The following DPH6 variants were observed in gnomAD, a reference collection of about 807,000 sequenced individuals.
The protein encoded by DPH6 is diphthamine biosynthesis 6, also known as diphthine--ammonia ligase.
DPH6 carries 33 observed loss-of-function variants against 38.2 expected under a neutral mutation model. The ratio of observed to expected loss-of-function variants is 0.86; its 90% CI spans 0.65 to 1.15. The LOEUF is 1.15. Ranked by LOEUF, DPH6 falls within the 50% of genes most tolerant of loss-of-function variation. DPH6 has a pLI of 0.00. For missense variants in DPH6, 325 were observed against 320.0 expected (o/e 1.02, Z -0.12); for synonymous variants, 108 against 103.0 (o/e 1.05, Z -0.30).
At chr15:35,505,272 G>A (rs765975035) in intron 3 of DPH6, among the ~76,000 whole-genome samples, 2 of 151,992 alleles carry the variant, frequency 1.3e-5, no homozygotes, top group Non-Finnish European at 2.9e-5. Context: ...AATGCAACCA[G>A]AAAGCAGTGT....
intron 3 of DPH6, chr15:35,520,850 C>G: frequency 1.0e-6 from 1 of 984,990 alleles, no homozygotes; most frequent in South Asian, 4.7e-5. Context: ...CATAATAAAA[C>G]TAAGGCCTCT....
intron 3 of DPH6, chr15:35,489,914 A>T (rs2054454540): frequency 1.0e-6 from 1 of 966,844 alleles, no homozygotes; most frequent in African/African-American, 1.8e-5. Flanking sequence ...ATCTATAATG[A>T]TTACTTTTTA....
At chr15:35,301,195 A>C (rs541313481) in intron 3 of DPH6, among the ~76,000 whole-genome samples, 2 of 152,308 alleles carry the variant, frequency 1.3e-5, no homozygotes, top group Non-Finnish European at 2.9e-5. Flanking sequence ...TATTTACTTG[A>C]TCACATATTT....
intron 3 of DPH6, among the ~76,000 whole-genome samples, chr15:35,245,599 T>C (rs930551719): frequency 6.6e-6 from 1 of 152,190 alleles, no homozygotes; most frequent in African/African-American, 2.4e-5. Flanking sequence ...CTTCAGGGTT[T>C]ACAAAAGAGG....
At chr15:35,369,885 A>T (rs1331882022), downstream of DPH6, among the ~76,000 whole-genome samples, 1 of 151,804 alleles carries the variant, frequency 6.6e-6, no homozygotes, top group Non-Finnish European at 1.5e-5. Context: ...TAAGGTTTTT[A>T]TCAAGAGACA....
chr15:35,476,865 C>T (rs1325890075), intron 3 of DPH6, among the ~76,000 whole-genome samples: 1 of 151,758 alleles, frequency 6.6e-6, no homozygotes, highest in East Asian at 1.9e-4. Context: ...GAAAAATAAT[C>T]TATGAAAAAT....
rs117284886 is a variant in DPH6, at chr15:35,472,215, T to C, written c.313-17395A>G. Among the ~76,000 whole-genome samples, 217 of 152,220 alleles carry C rather than the reference T, an allele frequency of 1.4e-3. 5 individuals carry two copies. In the East Asian group the frequency reaches 0.033, roughly 23 times the overall value. On this transcript the variant is annotated intron_variant, in intron 3 of 8. Coordinates refer to ENST00000256538, the MANE Select transcript of DPH6 (RefSeq NM_080650.4). ...AAATATTTTCTTAAAGGACAGGGAA[T>C]TGATTACACAGGTGACAGAACTGAG... is the stretch of plus-strand genomic sequence containing the variant.
intron 3 of DPH6, among the ~76,000 whole-genome samples, chr15:35,360,084 C>G (rs929822547): frequency 6.6e-6 from 1 of 152,044 alleles, no homozygotes; most frequent in African/African-American, 2.4e-5. Context: ...TTTTTTGCAC[C>G]ATTTAGCCTT....
chr15:35,527,988 G>A (rs2055030103), intron 3 of DPH6, among the ~76,000 whole-genome samples: 1 of 152,064 alleles, frequency 6.6e-6, no homozygotes, highest in Non-Finnish European at 1.5e-5. Context: ...TTAATTTATA[G>A]GTCTAAAGCC....
chr15:35,193,231 C>A, the DPH6 span, among the ~76,000 whole-genome samples: 1 of 151,438 alleles, frequency 6.6e-6, no homozygotes, highest in Admixed American at 6.6e-5. Context: ...TTCAGATTTC[C>A]CCCTTTTAAG....
In DPH6 at chr15:35,371,555, A is replaced by T; in HGVS notation, c.*595T>A. 1 of 973,398 alleles carries T rather than the reference A, an allele frequency of 1.0e-6. No homozygotes were observed. Among genetic ancestry groups the T allele is most frequent in the Non-Finnish European group, 1.2e-6 (1 of 819,050 alleles). The allele number at this position is 973,398 out of a possible 1,614,324, so 60.3% of individuals were successfully genotyped here. ...GTCTATTTTTTGTAAAAGTTTTCTA[A>T]GGTCAACATAGTTAATACTGAAAAA... On this transcript the variant is annotated 3_prime_UTR_variant, in exon 9 of 9. Coordinates refer to ENST00000256538, the MANE Select transcript of DPH6 (RefSeq NM_080650.4).
At chr15:35,538,609 T>A in intron 2 of DPH6, 142 bp from the exon 3 acceptor site, 1 of 684,830 alleles carries the variant, frequency 1.5e-6, no homozygotes, top group Non-Finnish European at 2.2e-6. Context: ...ATTTATGTAG[T>A]AAAATAAAAA....
At chr15:35,529,948 T>G (rs533578186) in intron 3 of DPH6, among the ~76,000 whole-genome samples, 1 of 152,252 alleles carries the variant, frequency 6.6e-6, no homozygotes, top group African/African-American at 2.4e-5. Context: ...ATATCATTTT[T>G]TTTGACGATT....
At chr15:35,215,888 A>G (rs140817586), downstream of DPH6, among the ~76,000 whole-genome samples, 328 of 152,358 alleles carry the variant, frequency 2.2e-3, 1 homozygote, top group African/African-American at 7.3e-3. Context: ...GGACACAATT[A>G]TAAGGATGTT....
At chr15:35,485,363 T>C (rs982306980) in intron 3 of DPH6, among the ~76,000 whole-genome samples, 2 of 152,212 alleles carry the variant, frequency 1.3e-5, no homozygotes. Context: ...ACAAATTGTA[T>C]GTGAGGATAT....
intron 3 of DPH6, chr15:35,490,106 G>T: frequency 1.0e-6 from 1 of 985,308 alleles, no homozygotes; most frequent in Non-Finnish European, 1.2e-6. Flanking sequence ...AGGCTCACCA[G>T]CTCTTTTTCA....
chr15:35,414,735 C>CT (rs369352065), intron 5 of DPH6, among the ~76,000 whole-genome samples: 100 of 148,024 alleles, frequency 6.8e-4, no homozygotes, highest in Non-Finnish European at 7.9e-4. Context: ...TACTTTTTCT[C>CT]TTTTTTTTCT....
chr15:35,212,767 T>A (rs1388226659), downstream of DPH6, among the ~76,000 whole-genome samples: 1 of 152,228 alleles, frequency 6.6e-6, no homozygotes, highest in Non-Finnish European at 1.5e-5. Context: ...TAAAACTGGC[T>A]CCGTCTTATC....
chr15:35,277,105 C>T (rs2051864376), intron 3 of DPH6, among the ~76,000 whole-genome samples: 1 of 152,112 alleles, frequency 6.6e-6, no homozygotes, highest in Non-Finnish European at 1.5e-5. Flanking sequence ...TGATTTCTTT[C>T]AGCAGTGTTT....
Sources: gnomAD v4.1 joint callset for allele counts (sites outside exome capture counted in the v4.1 genomes callset) on GRCh38, gnomAD v4.1.1 for gene constraint, MANE v1.5 for transcripts, NCBI Gene and HGNC (gene_info 2026-07-23, HGNC 2026-07-21) for gene names.